AXL: variants seen among roughly 807,000 people sequenced by gnomAD.
The protein encoded by AXL is tyrosine-protein kinase receptor UFO.
AXL carries 52 observed loss-of-function variants against 104.5 expected under a neutral mutation model. That is an observed-to-expected ratio of 0.50 (90% CI 0.40 to 0.63). The LOEUF (loss-of-function observed/expected upper bound fraction) is 0.63, where lower values mean the gene tolerates loss of function less well. AXL is among the 20% of genes least tolerant of loss of function. AXL has a pLI of 0.00. For synonymous variants in AXL, 455 were observed against 473.7 expected, an observed-to-expected ratio of 0.96 and a Z score of 0.51; for missense variants, 1,024 against 1,188.5, an observed-to-expected ratio of 0.86 and a Z score of 2.04.
intron 6 of AXL, among the ~76,000 whole-genome samples, chr19:41,231,926 CA>C (rs35258825): frequency 0.46 from 57,323 of 125,198 alleles, 11,708 homozygotes; most frequent in African/African-American, 0.58. Flanking sequence ...GACTCTGTCT[CA>C]AAAAAAAAAA....
chr19:41,223,300 G>A (rs2033825721), intron 4 of AXL, among the ~76,000 whole-genome samples: 1 of 151,966 alleles, frequency 6.6e-6, no homozygotes, highest in Non-Finnish European at 1.5e-5. Context: ...GTCTCAAAAC[G>A]AAAAACAAAA....
In AXL at chr19:41,239,509, C is replaced by T. The variant is rs2304235; in HGVS notation, c.1286-185C>T. On this transcript the variant is annotated intron_variant, in intron 9 of 19. Transcript: ENST00000301178. ...TGTGCCACGGCCTCACTCCTTTACC[C>T]GTGCCACACCCTCACTCCCTTACCC... Among the ~76,000 whole-genome samples, 26,618 of 151,382 alleles carry T rather than the reference C, an allele frequency of 0.18. 2,445 individuals are homozygous for T. The highest frequency in any genetic ancestry group is 0.27 in the East Asian group (1,362 of 5,130).
intron 6 of AXL, among the ~76,000 whole-genome samples, chr19:41,235,251 T>A (rs1296352076): frequency 6.6e-6 from 1 of 151,986 alleles, no homozygotes; most frequent in Non-Finnish European, 1.5e-5. Context: ...CTCAGGAGGT[T>A]GAGGCAAGAG....
intron 6 of AXL, among the ~76,000 whole-genome samples, chr19:41,233,919 C>T (rs533336778): frequency 3.9e-4 from 60 of 152,158 alleles, no homozygotes; most frequent in African/African-American, 1.3e-3. Context: ...TGCACATGGG[C>T]TAGGGCTGAA....
At position 41,259,735 on chromosome 19, in the gene AXL, G is replaced by A; in HGVS notation, c.2516G>A (p.Gly839Glu). The stretch of plus-strand genomic sequence containing the variant: ...CCTGAACCCCCTGGAGCTGCAGGAG[G>A]AGCTGACCCCCCAACCCAGCCAGAC... ...GYPEPPGAAG[G>E]ADPPTQPDPK... Residue 839 changes from glycine to glutamate, a missense_variant, in exon 20 of 20, where the codon GGA (glycine) becomes GAA (glutamate). By Grantham distance (98) the Gly-to-Glu change is moderately conservative. This residue lies in a region of AXL where 523 missense variants were observed against 636.0 expected (regional missense o/e 0.82). Transcript: ENST00000301178. 1.2e-6 allele frequency: 2 copies of A among 1,614,038 alleles called. No individual in the cohort carries two copies. Among genetic ancestry groups the A allele is most frequent in the Non-Finnish European group, 1.7e-6 (2 of 1,180,004 alleles).
chr19:41,257,373 A>G, intron 18 of AXL, 120 bp from the exon 19 acceptor site: 1 of 1,347,330 alleles, frequency 7.4e-7, no homozygotes, highest in Non-Finnish European at 1.0e-6. Context: ...AATACTTGTG[A>G]TGCTCCCAGA....
At position 41,231,206 on chromosome 19, in the gene AXL, C is replaced by T; in HGVS notation, c.691C>T (p.Leu231Phe). ...ITVLPQQPRNLHLVSRQPTEL... is the reference protein window; with the variant it reads ...ITVLPQQPRNFHLVSRQPTEL... Reference sequence around the variant, plus strand: ...AGTGCTCCCCCAGCAGCCCCGTAACCTCCACCTGGTCTCCCGCCAACCCAC... The same window carrying T: ...AGTGCTCCCCCAGCAGCCCCGTAACTTCCACCTGGTCTCCCGCCAACCCAC... Residue 231 changes from leucine to phenylalanine, a missense_variant, in exon 6 of 20, where the codon CTC becomes TTC. Physicochemically the swap from Leu to Phe is conservative, Grantham distance 22. Coordinates refer to ENST00000301178, the MANE Select transcript of AXL (RefSeq NM_021913.5). The T allele has an allele frequency of 6.2e-7, 1 of 1,613,732 alleles. No individual in the cohort carries two copies. The highest frequency in any genetic ancestry group is 8.5e-7 in the Non-Finnish European group (1 of 1,179,796).
At chr19:41,247,611 G>T (rs2034292006) in intron 12 of AXL, among the ~76,000 whole-genome samples, 1 of 152,212 alleles carries the variant, frequency 6.6e-6, no homozygotes. Flanking sequence ...TTGAGATGGG[G>T]TCTTGCTCTG....
chr19:41,239,732 CA>C lies in AXL; in HGVS notation c.1312+13del. 6.2e-7 allele frequency: 1 copy of C among 1,614,118 alleles called. No homozygotes were observed. ...AGTCCACCAGCTGGGTAAGGGCTTCCACACCCCATCTCCTCCTTCCCTACCC... is the reference window on the plus strand; with the variant it reads ...AGTCCACCAGCTGGGTAAGGGCTTCCCACCCCATCTCCTCCTTCCCTACCC... On this transcript the variant is annotated intron_variant, in intron 10 of 19. Transcript: ENST00000301178.
At chr19:41,257,693 G>T in intron 19 of AXL, 64 bp downstream of exon 19, 1 of 1,599,984 alleles carries the variant, frequency 6.3e-7, no homozygotes. Context: ...CCCCCAGATG[G>T]CCCTCACAGG....
In AXL at chr19:41,243,605, C is replaced by T. The variant is rs975192391; in HGVS notation, c.1446-11C>T. On this transcript the variant is annotated splice_polypyrimidine_tract_variant and intron_variant, in intron 11 of 19. Transcript: ENST00000301178. ...TTTTCCCTGCCCTCACCTACTCCCC[C>T]TCCCCCCCAGAGAAGTGTTTGAACC... 1 of 1,611,958 alleles carries T rather than the reference C, an allele frequency of 6.2e-7. No individual in the cohort carries two copies. Among genetic ancestry groups the T allele is most frequent in the Non-Finnish European group, 8.5e-7 (1 of 1,178,074 alleles).
chr19:41,250,162 G>A lies in AXL; in HGVS notation c.1711+1342G>A, dbSNP rs187308701. ...GGCAAAGCACTTCATGCTGAGGGTG[G>A]CAAGTAGGACATGCTTGTTAATGTG... On this transcript the variant is annotated intron_variant, in intron 14 of 19. Transcript: ENST00000301178. Among the ~76,000 whole-genome samples, 240 of 152,302 alleles carry A rather than the reference G, an allele frequency of 1.6e-3. 2 individuals carry two copies. The highest frequency in any genetic ancestry group is 4.1e-4 in the South Asian group (2 of 4,820).
At position 41,221,146 on chromosome 19, in the gene AXL, A is replaced by G; in HGVS notation, c.309A>G (p.Arg103=). The G allele has an allele frequency of 6.2e-7, 1 of 1,613,630 alleles. No homozygotes were observed. Among genetic ancestry groups the G allele is most frequent in the Non-Finnish European group, 8.5e-7 (1 of 1,179,762 alleles). Residue 103 remains arginine, a splice_region_variant and synonymous_variant, in exon 3 of 20, where the codon AGA becomes AGG. Coordinates refer to ENST00000301178, the MANE Select transcript of AXL (RefSeq NM_021913.5). ...QDDWIVVSQL[R]ITSLQLSDTG... is the part of the protein sequence containing the mutation. ...TCTGTCTCTCCTCTTGCCCTGTCAGAATCACCTCCCTGCAGCTTTCCGACA... is the reference window on the plus strand; with the variant it reads ...TCTGTCTCTCCTCTTGCCCTGTCAGGATCACCTCCCTGCAGCTTTCCGACA...
intron 8 of AXL, 142 bp from the exon 9 acceptor site, chr19:41,239,022 A>G (rs2034133055): frequency 1.0e-6 from 1 of 954,408 alleles, no homozygotes; most frequent in Non-Finnish European, 1.6e-6. Context: ...AGGATGAGAG[A>G]TGAAGGGGAG....
At chr19:41,246,093 G>A (rs1187314274) in intron 12 of AXL, among the ~76,000 whole-genome samples, 3 of 152,126 alleles carry the variant, frequency 2.0e-5, no homozygotes, top group Non-Finnish European at 4.4e-5. Context: ...TCCCTGACGT[G>A]GGATGATGTC....
At chr19:41,221,730 A>G in intron 3 of AXL, 150 bp from the exon 4 acceptor site, 1 of 767,328 alleles carries the variant, frequency 1.3e-6, no homozygotes, top group Non-Finnish European at 2.0e-6. Flanking sequence ...TGTGTTGGGT[A>G]TGGCTCAGGT....
intron 6 of AXL, among the ~76,000 whole-genome samples, chr19:41,235,373 G>T (rs4802114): frequency 2.2e-4 from 6 of 27,356 alleles, no homozygotes; most frequent in Non-Finnish European, 3.8e-4. Context: ...TAAATAAATA[G>T]ATAGATAGAT....
At position 41,220,635 on chromosome 19, in the gene AXL, G is replaced by A; in HGVS notation, c.86-1G>A. On this transcript the variant is annotated splice_acceptor_variant, in intron 1 of 19. Transcript: ENST00000301178. LOFTEE classifies it high-confidence loss of function. Reference sequence around the variant, plus strand: ...GCTAACTCTTCCCATCTCCCCTCCAGGCACGCAGGCTGAAGAAAGTCCCTT... The same window carrying A: ...GCTAACTCTTCCCATCTCCCCTCCAAGCACGCAGGCTGAAGAAAGTCCCTT... The A allele has an allele frequency of 6.4e-7, 1 of 1,566,282 alleles. No homozygotes were observed. Among genetic ancestry groups the A allele is most frequent in the Non-Finnish European group, 8.7e-7 (1 of 1,155,098 alleles).
intron 6 of AXL, among the ~76,000 whole-genome samples, chr19:41,232,235 A>G (rs1423448221): frequency 6.6e-6 from 1 of 152,240 alleles, no homozygotes; most frequent in Non-Finnish European, 1.5e-5. Flanking sequence ...GCACAGGACC[A>G]GACATAGAGT....
Sources: gnomAD v4.1 joint callset for allele counts (sites outside exome capture counted in the v4.1 genomes callset) on GRCh38, gnomAD v4.1.1 for gene constraint, gnomAD v4.1.1 regional missense constraint, MANE v1.5 for transcripts, NCBI Gene and HGNC (gene_info 2026-07-23, HGNC 2026-07-21) for gene names.